WASHC5: variants seen among roughly 807,000 people sequenced by gnomAD.
The protein encoded by WASHC5 is WASH complex subunit 5.
WASHC5 carries 101 observed loss-of-function variants against 150.4 expected under a neutral mutation model. The observed-to-expected ratio is 0.67, with a 90% confidence interval of 0.57 to 0.79. WASHC5 has a LOEUF of 0.79. Among genes scored for constraint, WASHC5 ranks in the 30% least tolerant of loss-of-function variants. WASHC5 has a pLI of 0.00. For missense variants in WASHC5, 1,195 were observed against 1,396.3 expected (o/e 0.86, Z 2.30); for synonymous variants, 467 against 491.2 (o/e 0.95, Z 0.65).
chr8:125,082,600 G>C lies in WASHC5; in HGVS notation c.333-133C>G, dbSNP rs187488793. 4 of 661,508 alleles carry C rather than the reference G, an allele frequency of 6.0e-6. No homozygotes were observed. The East Asian group carries it at 1.1e-4, about 18-fold the overall frequency. 41.0% of individuals were successfully genotyped at this position (661,508 alleles called of 1,614,324 possible). A position where few individuals can be genotyped will look rare whatever the true frequency, so the allele number is the denominator to read the frequency against. ...CTTCCACTAGTTCATGGTCCTTCAT[G>C]CTCTTAAGAATACAGTCTTATAAAC... On this transcript the variant is annotated intron_variant, in intron 3 of 28. Transcript: ENST00000318410.
intron 8 of WASHC5, among the ~76,000 whole-genome samples, chr8:125,074,557 T>G (rs1176658245): frequency 6.6e-6 from 1 of 152,234 alleles, no homozygotes; most frequent in African/African-American, 2.4e-5. Flanking sequence ...GTCTTGAGTC[T>G]TGTTGCTTAT....
In WASHC5 at chr8:125,059,206, A is replaced by T. The variant is rs764064470; in HGVS notation, c.1764+16T>A. On this transcript the variant is annotated intron_variant, in intron 14 of 28. Transcript: ENST00000318410. ...CTCTTTCCTAGCAACAGAGAATCTCACTGTTTTTTGCTTACCTTTAGGAAG... is the reference window on the plus strand; with the variant it reads ...CTCTTTCCTAGCAACAGAGAATCTCTCTGTTTTTTGCTTACCTTTAGGAAG... 1.5e-5 allele frequency: 23 copies of T among 1,573,382 alleles called. No homozygotes were observed. The highest frequency in any genetic ancestry group is 2.0e-5 in the Non-Finnish European group (23 of 1,142,978).
At chr8:125,047,122 G>A (rs769362019) in intron 20 of WASHC5, 85 bp downstream of exon 20, 2 of 1,533,966 alleles carry the variant, frequency 1.3e-6, no homozygotes, top group East Asian at 4.5e-5. Context: ...CCCCGTGACT[G>A]GAATAGGGGC....
intron 17 of WASHC5, among the ~76,000 whole-genome samples, chr8:125,051,056 A>G (rs1231714425): frequency 6.6e-6 from 1 of 152,212 alleles, no homozygotes; most frequent in Non-Finnish European, 1.5e-5. Context: ...GACTGAATTT[A>G]CAGATGCATG....
chr8:125,056,952 G>T, intron 15 of WASHC5, 135 bp from the exon 16 acceptor site: 1 of 933,036 alleles, frequency 1.1e-6, no homozygotes, highest in Non-Finnish European at 1.7e-6. Context: ...ATAACTGCTG[G>T]CAGGCACAGG....
chr8:125,042,341 TTTCA>T (rs1815915209), intron 23 of WASHC5, among the ~76,000 whole-genome samples: 1 of 152,186 alleles, frequency 6.6e-6, no homozygotes, highest in Non-Finnish European at 1.5e-5. Context: ...ACAACCCACA[TTTCA>T]TGAGCTCAAT....
At chr8:125,086,870 C>T (rs1372186571) in intron 1 of WASHC5, among the ~76,000 whole-genome samples, 3 of 152,278 alleles carry the variant, frequency 2.0e-5, no homozygotes, top group East Asian at 1.9e-4. Flanking sequence ...TGAAGAAAGC[C>T]AGCAGACAGC....
In WASHC5 at chr8:125,024,671, A is replaced by C; in HGVS notation, c.3426T>G (p.Val1142=). ...TGAAATTAGGCACATGTGCTTCAGCAACCTGAAAAATTAAAGAATTAAATT... is the reference window on the plus strand; with the variant it reads ...TGAAATTAGGCACATGTGCTTCAGCCACCTGAAAAATTAAAGAATTAAATT... ...YVRYTKLPRR[V]AEAHVPNFIF... is the part of the protein sequence containing the mutation. The change falls in exon 29 of 29, where the codon GTT becomes GTG. Residue 1142 remains valine (V), a splice_region_variant and synonymous_variant. Transcript: ENST00000318410. The C allele has an allele frequency of 6.2e-7, 1 of 1,603,710 alleles. No homozygotes were observed. Among genetic ancestry groups the C allele is most frequent in the Non-Finnish European group, 8.5e-7 (1 of 1,170,662 alleles).
chr8:125,052,137 A>T (rs926963977), intron 17 of WASHC5, among the ~76,000 whole-genome samples: 10 of 152,204 alleles, frequency 6.6e-5, no homozygotes, highest in Admixed American at 2.6e-4. Context: ...AGTTTTCAGC[A>T]TCTGTGCTTT....
At chr8:125,042,385 C>T (rs1815916696) in intron 23 of WASHC5, among the ~76,000 whole-genome samples, 1 of 152,210 alleles carries the variant, frequency 6.6e-6, no homozygotes, top group South Asian at 2.1e-4. Flanking sequence ...CTGCTGTCAT[C>T]ATCGAATAGC....
intron 1 of WASHC5, among the ~76,000 whole-genome samples, chr8:125,090,828 C>G (rs957850357): frequency 1.7e-4 from 26 of 152,194 alleles, no homozygotes; most frequent in Non-Finnish European, 1.9e-4. Context: ...TCCATTATCA[C>G]AAACAAAATA....
At chr8:125,054,779 A>T (rs1157373720) in intron 17 of WASHC5, among the ~76,000 whole-genome samples, 1 of 151,448 alleles carries the variant, frequency 6.6e-6, no homozygotes, top group East Asian at 1.9e-4. Flanking sequence ...AGATTGCACC[A>T]CTGCACTCTA....
At position 125,061,084 on chromosome 8, in the gene WASHC5, C is replaced by T. The variant is rs753801348; in HGVS notation, c.1519G>A (p.Glu507Lys). The T allele has an allele frequency of 2.5e-6, 4 of 1,583,058 alleles. No individual in the cohort carries two copies. The highest frequency in any genetic ancestry group is 3.5e-6 in the Non-Finnish European group (4 of 1,152,074). Residue 507 changes from glutamate to lysine, a missense_variant and splice_region_variant, in exon 12 of 29, where the codon GAG becomes AAG. Coordinates refer to ENST00000318410, the MANE Select transcript of WASHC5 (RefSeq NM_014846.4). ...KTVQLIQALE[E>K]VQEFHQLESN... ...GCATTTAAAAAGCGTTTCCTTACCTCTTCCAAAGCTTGTATCAGTTGTACA... is the reference window on the plus strand; with the variant it reads ...GCATTTAAAAAGCGTTTCCTTACCTTTTCCAAAGCTTGTATCAGTTGTACA...
At position 125,083,714 on chromosome 8, in the gene WASHC5, T is replaced by C; in HGVS notation, c.185A>G (p.Lys62Arg). ...GDIIFDFSYF[K>R]GPELWESKLD... ...AAAAATGCTATAGAGGAAGATTACC[T>C]TAAAATAGCTGAAATCAAATATGAT... Residue 62 changes from lysine (K) to arginine (R), a missense_variant and splice_region_variant, in exon 2 of 29, where the codon AAG (lysine) becomes AGG (arginine). Lys to Arg is a conservative substitution (Grantham distance 26, BLOSUM62 2). Transcript: ENST00000318410. 1 of 1,609,724 alleles carries C rather than the reference T, an allele frequency of 6.2e-7. No individual in the cohort carries two copies. Among genetic ancestry groups the C allele is most frequent in the Non-Finnish European group, 8.5e-7 (1 of 1,176,578 alleles).
chr8:125,025,640 A>T (rs935455124), intron 28 of WASHC5, among the ~76,000 whole-genome samples: 1 of 152,186 alleles, frequency 6.6e-6, no homozygotes, highest in Non-Finnish European at 1.5e-5. Flanking sequence ...GTGAGCCCAG[A>T]TCTCACTACT....
intron 17 of WASHC5, among the ~76,000 whole-genome samples, chr8:125,051,079 AT>A (rs2130057763): frequency 6.6e-6 from 1 of 152,244 alleles, no homozygotes; most frequent in South Asian, 2.1e-4. Flanking sequence ...CTTCCTTTAG[AT>A]TTTATTTCTA....
At chr8:125,076,131 T>C (rs1255584443) in intron 7 of WASHC5, among the ~76,000 whole-genome samples, 2 of 152,236 alleles carry the variant, frequency 1.3e-5, no homozygotes, top group African/African-American at 4.8e-5. Flanking sequence ...GTATCCATTT[T>C]AGAAAAAGAC....
At chr8:125,056,962 G>T (rs1288141785) in intron 15 of WASHC5, 145 bp from the exon 16 acceptor site, 1 of 875,058 alleles carries the variant, frequency 1.1e-6, no homozygotes, top group Non-Finnish European at 1.9e-6. Flanking sequence ...GCAGGCACAG[G>T]GCTCCATTCC....
intron 28 of WASHC5, among the ~76,000 whole-genome samples, chr8:125,027,882 G>A (rs573076499): frequency 5.5e-4 from 84 of 152,274 alleles, no homozygotes; most frequent in Non-Finnish European, 6.8e-4. Flanking sequence ...TATAACAAAA[G>A]TAGTTGCAAG....
Sources: gnomAD v4.1 joint callset for allele counts (sites outside exome capture counted in the v4.1 genomes callset) on GRCh38, gnomAD v4.1.1 for gene constraint, MANE v1.5 for transcripts, NCBI Gene and HGNC (gene_info 2026-07-23, HGNC 2026-07-21) for gene names.